Variants in RASGRF1 observed in about 807,000 individuals in gnomAD.
RASGRF1 encodes the protein ras-specific guanine nucleotide-releasing factor 1.
Under a neutral mutation model 138.7 loss-of-function variants are expected in RASGRF1, and 40 were observed. The observed-to-expected ratio is 0.29, with a 90% confidence interval of 0.22 to 0.38. The LOEUF (loss-of-function observed/expected upper bound fraction) is 0.38. RASGRF1 is among the 10% of genes least tolerant of loss of function. RASGRF1 has a pLI of 1.00. For missense variants in RASGRF1, 1,108 were observed against 1,650.4 expected (o/e 0.67, Z 5.69); for synonymous variants, 614 against 663.2 (o/e 0.93, Z 1.14).
chr15:79,029,158 A>T (rs2057101717), intron 8 of RASGRF1, among the ~76,000 whole-genome samples: 1 of 152,184 alleles, frequency 6.6e-6, no homozygotes, highest in Non-Finnish European at 1.5e-5. Flanking sequence ...CCCTTTAATA[A>T]ATGGACCAGG....
At chr15:79,010,880 T>TGTA (rs1299966923) in intron 13 of RASGRF1, among the ~76,000 whole-genome samples, 45 of 152,194 alleles carry the variant, frequency 3.0e-4, no homozygotes, top group Non-Finnish European at 5.3e-4. Flanking sequence ...TCCACAGAGC[T>TGTA]GCTGCGGGAA....
rs905933533 is a variant in RASGRF1, at chr15:78,989,440, T to G, written c.3216+749A>C. Among the ~76,000 whole-genome samples, 3 of 152,178 alleles carry G rather than the reference T, an allele frequency of 2.0e-5. No individual in the cohort carries two copies. The East Asian group carries it at 5.8e-4, about 29-fold the overall frequency. On this transcript the variant is annotated intron_variant, in intron 22 of 26. Coordinates refer to ENST00000558480, the MANE Select transcript of RASGRF1 (RefSeq NM_001145648.3). ...CAGGAGCCTTAGTCTCGCCCAGCAC[T>G]GTGGCCTCCTAACATTAAAGAGAAT... is the stretch of plus-strand genomic sequence containing the variant.
chr15:79,029,119 G>T (rs575240130), intron 8 of RASGRF1, among the ~76,000 whole-genome samples: 1 of 152,338 alleles, frequency 6.6e-6, no homozygotes, highest in East Asian at 1.9e-4. Flanking sequence ...TTGAGGACAT[G>T]CATTTTAGGC....
intron 24 of RASGRF1, 81 bp downstream of exon 24, chr15:78,980,539 G>T: frequency 8.6e-7 from 1 of 1,156,356 alleles, no homozygotes; most frequent in Non-Finnish European, 1.3e-6. Flanking sequence ...CTCCTGCTCT[G>T]GCTGGGGGCG....
Position 79,001,688 on chromosome 15 carries a change from T to G in RASGRF1, c.2549A>C (p.Lys850Thr). The change falls in exon 16 of 27, where the codon AAA (lysine) becomes ACA (threonine). Residue 850 changes from lysine (K) to threonine (T), a missense_variant. Around this residue, in one of 3 missense-constraint regions of RASGRF1, gnomAD observed 686 missense variants for 976.7 expected, o/e 0.70. Transcript: ENST00000558480. ...TGAAGAATTTTTGTTTTTGACTGAT[T>G]TGGGTGTTGTTGGAGATTTAGTTGG... ...TSPTKSPTTP[K>T]SVKNKNSSEF... The G allele has an allele frequency of 6.2e-7, 1 of 1,612,276 alleles. No homozygotes were observed. The highest frequency in any genetic ancestry group is 1.1e-5 in the South Asian group (1 of 91,030).
intron 2 of RASGRF1, among the ~76,000 whole-genome samples, chr15:79,059,838 G>A (rs1277149766): frequency 6.6e-6 from 1 of 152,054 alleles, no homozygotes; most frequent in East Asian, 1.9e-4. Flanking sequence ...ATACACTCCA[G>A]TGCCTTTTTT....
intron 2 of RASGRF1, among the ~76,000 whole-genome samples, chr15:79,063,183 G>T (rs2057631352): frequency 6.6e-6 from 1 of 152,170 alleles, no homozygotes; most frequent in South Asian, 2.1e-4. Flanking sequence ...ATTAGACTGC[G>T]ATATCCCTGG....
rs1408474257 is a variant in RASGRF1 at position 79,046,226 on chromosome 15, C to G, written c.878+520G>C. Among the ~76,000 whole-genome samples, 1 of 152,174 alleles carries G rather than the reference C, an allele frequency of 6.6e-6. No homozygotes were observed. The highest frequency in any genetic ancestry group is 1.5e-5 in the Non-Finnish European group (1 of 68,050). ...CTAAGTTTCAACCTGGCCTCCAGGT[C>G]ATTATGATGGTATCAAGGTCAAAGA... On this transcript the variant is annotated intron_variant, in intron 5 of 26. Coordinates refer to ENST00000558480, the MANE Select transcript of RASGRF1 (RefSeq NM_001145648.3). The surrounding 1 kb of genome is among the most constrained non-coding windows in gnomAD (Gnocchi z 5.3).
chr15:79,041,947 G>A (rs902315728), intron 5 of RASGRF1, among the ~76,000 whole-genome samples: 3 of 152,190 alleles, frequency 2.0e-5, no homozygotes, highest in African/African-American at 7.2e-5. Context: ...AGTCAGCGCA[G>A]GAAGCAAGAT....
chr15:78,999,643 A>G, intron 17 of RASGRF1, 100 bp downstream of exon 17: 1 of 1,435,950 alleles, frequency 7.0e-7, no homozygotes, highest in Non-Finnish European at 9.6e-7. Flanking sequence ...CACACCTTAA[A>G]CACCCACAGC....
At chr15:79,037,603 T>G (rs1346591696) in intron 5 of RASGRF1, among the ~76,000 whole-genome samples, 1 of 151,652 alleles carries the variant, frequency 6.6e-6, no homozygotes, top group Non-Finnish European at 1.5e-5. Flanking sequence ...GGATTACAGG[T>G]GCGCCCCAGC....
At chr15:78,975,469 C>A (rs1486155081) in intron 24 of RASGRF1, among the ~76,000 whole-genome samples, 1 of 149,846 alleles carries the variant, frequency 6.7e-6, no homozygotes, top group Non-Finnish European at 1.5e-5. Flanking sequence ...CCCTTCCAGT[C>A]CATGATTATT....
chr15:78,977,289 C>A (rs2055892945), intron 24 of RASGRF1, among the ~76,000 whole-genome samples: 1 of 152,210 alleles, frequency 6.6e-6, no homozygotes, highest in Non-Finnish European at 1.5e-5. Context: ...TCTCCTCTCT[C>A]CCATCTTGAG....
chr15:78,995,611 C>T, intron 20 of RASGRF1, 129 bp downstream of exon 20: 2 of 1,165,644 alleles, frequency 1.7e-6, no homozygotes, highest in Non-Finnish European at 2.6e-6. Context: ...TTTAAGCCGC[C>T]CAGTTTGTGG....
At chr15:79,020,555 G>A (rs2056946407) in intron 10 of RASGRF1, among the ~76,000 whole-genome samples, 1 of 152,260 alleles carries the variant, frequency 6.6e-6, no homozygotes, top group Non-Finnish European at 1.5e-5. Context: ...TACAGGTGAA[G>A]AAATGAAGAC....
rs140019990 is a variant in RASGRF1 at position 79,058,468 on chromosome 15, C to T, written c.397G>A (p.Ala133Thr). The T allele has an allele frequency of 6.8e-6, 11 of 1,614,136 alleles. No homozygotes were observed. The highest frequency in any genetic ancestry group is 3.3e-5 in the Admixed American group (2 of 60,006). ...TGCATTAATGCCTCATGCTCTGTGG[C>T]GAGGGTCCTGTAGCTGTGGACAGAT... ...AIAHASYRTL[A>T]TEHEALMQKY... The change falls in exon 3 of 27, where the codon GCC (alanine) becomes ACC (threonine). Residue 133 changes from alanine to threonine, a missense_variant. Transcript: ENST00000558480.
At chr15:79,060,438 G>A (rs1413821160) in intron 2 of RASGRF1, among the ~76,000 whole-genome samples, 1 of 152,204 alleles carries the variant, frequency 6.6e-6, no homozygotes, top group Non-Finnish European at 1.5e-5. Context: ...AGGTGGTATT[G>A]ATCACCAGCT....
intron 4 of RASGRF1, among the ~76,000 whole-genome samples, chr15:79,048,927 A>T (rs537041296): frequency 6.6e-6 from 1 of 152,294 alleles, no homozygotes; most frequent in African/African-American, 2.4e-5. Flanking sequence ...CCACACCACC[A>T]CAGGGTGGCC....
intron 10 of RASGRF1, among the ~76,000 whole-genome samples, chr15:79,022,793 T>C (rs867413764): frequency 5.1e-4 from 77 of 152,332 alleles, no homozygotes; most frequent in Middle Eastern, 6.8e-3. Context: ...CCTGAAGCCA[T>C]TGCTGGGTAT....
Sources: allele counts gnomAD v4.1 joint callset (sites outside exome capture counted in the v4.1 genomes callset), GRCh38; gene constraint gnomAD v4.1.1; regional missense constraint gnomAD v4.1.1; non-coding constraint Gnocchi (gnomAD v3.1); transcripts MANE v1.5; gene names NCBI Gene and HGNC (gene_info 2026-07-23, HGNC 2026-07-21).